The following TAMM41 variants were observed in gnomAD, a reference collection of about 807,000 sequenced individuals.
TAMM41 encodes the protein phosphatidate cytidylyltransferase, mitochondrial.
TAMM41 carries 36 observed loss-of-function variants against 44.1 expected under a neutral mutation model. The ratio of observed to expected loss-of-function variants is 0.82; its 90% CI spans 0.63 to 1.08. The LOEUF (loss-of-function observed/expected upper bound fraction) is 1.08. TAMM41 is among the 50% of genes least tolerant of loss of function. The probability of loss-of-function intolerance (pLI) is 0.00; values close to 1 mark genes in which losing one functional copy is unlikely to be tolerated. For missense variants in TAMM41, 417 were observed against 404.3 expected (o/e 1.03, Z -0.27); for synonymous variants, 164 against 153.1 (o/e 1.07, Z -0.53).
chr3:11,762,598 T>C, the TAMM41 span, among the ~76,000 whole-genome samples: 4,485 of 152,340 alleles, frequency 0.029, 96 homozygotes, highest in Non-Finnish European at 0.043. Context: ...AATTCTCTTG[T>C]CCTTTTATTC....
intron 5 of TAMM41, among the ~76,000 whole-genome samples, chr3:11,814,501 CGAGAGAGA>C (rs143168450): frequency 1.4e-5 from 2 of 145,558 alleles, no homozygotes; most frequent in South Asian, 2.2e-4. Context: ...AACGAAGAGA[CGAGAGAGA>C]GAGAGAGAGA....
chr3:11,798,455 C>T (rs1235579558), intron 7 of TAMM41, among the ~76,000 whole-genome samples: 1 of 152,046 alleles, frequency 6.6e-6, no homozygotes, highest in Admixed American at 6.5e-5. Context: ...GATGAGAACA[C>T]ACAGGACACA....
chr3:11,738,807 C>T, the TAMM41 span, among the ~76,000 whole-genome samples: 1 of 152,170 alleles, frequency 6.6e-6, no homozygotes, highest in Non-Finnish European at 1.5e-5. Flanking sequence ...TCTCAGGCCT[C>T]GTCCCACACA....
At chr3:11,800,899 A>G (rs1000104647) in intron 7 of TAMM41, among the ~76,000 whole-genome samples, 1 of 152,162 alleles carries the variant, frequency 6.6e-6, no homozygotes, top group Non-Finnish European at 1.5e-5. Context: ...CATGGGCTAC[A>G]TAGGGAGACT....
chr3:11,812,943 A>C (rs1287122973), intron 5 of TAMM41, among the ~76,000 whole-genome samples: 1 of 152,136 alleles, frequency 6.6e-6, no homozygotes, highest in African/African-American at 2.4e-5. Context: ...TTGCAGCCTC[A>C]AGGCCAGATA....
intron 7 of TAMM41, among the ~76,000 whole-genome samples, chr3:11,804,996 C>CCTT (rs1559275694): frequency 2.8e-4 from 29 of 103,062 alleles, no homozygotes; most frequent in African/African-American, 1.1e-3. Flanking sequence ...ACGCCCAGCC[C>CCTT]TTTTTTTTTT....
At chr3:11,770,658 T>C in the TAMM41 span, among the ~76,000 whole-genome samples, 9 of 152,098 alleles carry the variant, frequency 5.9e-5, no homozygotes, top group South Asian at 2.1e-4. Flanking sequence ...TCAGGAACGA[T>C]TGGCTGGCAG....
chr3:11,795,907 TAC>T (rs1172170874), intron 7 of TAMM41, among the ~76,000 whole-genome samples: 1 of 152,218 alleles, frequency 6.6e-6, no homozygotes, highest in Admixed American at 6.5e-5. Context: ...AGTCTTTTGG[TAC>T]TCCTAAGCCA....
chr3:11,823,190 G>A (rs545215826), intron 4 of TAMM41, among the ~76,000 whole-genome samples: 1 of 151,712 alleles, frequency 6.6e-6, no homozygotes, highest in Non-Finnish European at 1.5e-5. Flanking sequence ...TGAAGAAATG[G>A]CTATTCAAAT....
downstream of TAMM41, among the ~76,000 whole-genome samples, chr3:11,785,824 G>C (rs1043729893): frequency 2.6e-5 from 4 of 151,426 alleles, no homozygotes; most frequent in African/African-American, 4.9e-5. Context: ...TCACTATGTT[G>C]TCCAGGCGGG....
the TAMM41 span, among the ~76,000 whole-genome samples, chr3:11,749,949 G>C: frequency 2.0e-5 from 3 of 150,086 alleles, no homozygotes; most frequent in South Asian, 4.2e-4. Flanking sequence ...CCAGGCTGGA[G>C]TGCAGTGGCA....
At position 11,807,299 on chromosome 3, in the gene TAMM41, A is replaced by T. The variant is rs1039260554; in HGVS notation, c.937+534T>A. On this transcript the variant is annotated intron_variant, in intron 7 of 7. Coordinates refer to ENST00000455809, the MANE Select transcript of TAMM41 (RefSeq NM_001284401.2). ...TATATTAGGAGGACAGAGGGATGGG[A>T]GGGTGCGTACATTTGATGAGGGTGG... 1.1e-5 allele frequency: 16 copies of T among 1,442,296 alleles called. No homozygotes were observed. In the African/African-American group the frequency reaches 2.3e-4, roughly 21 times the overall value. The allele number at this position is 1,442,296 out of a possible 1,614,324, so 89.3% of individuals were successfully genotyped here.
chr3:11,822,846 G>A (rs73134818), intron 4 of TAMM41, among the ~76,000 whole-genome samples: 19,268 of 152,080 alleles, frequency 0.13, 2,632 homozygotes, highest in East Asian at 0.47. Context: ...ATGCTGCTAC[G>A]TACAAGTTTT....
chr3:11,731,719 A>C, the TAMM41 span, among the ~76,000 whole-genome samples: 1 of 152,134 alleles, frequency 6.6e-6, no homozygotes, highest in East Asian at 1.9e-4. Context: ...GCCCCATGGC[A>C]GTGGATAATG....
intron 3 of TAMM41, among the ~76,000 whole-genome samples, chr3:11,836,141 C>T (rs1199327690): frequency 2.0e-5 from 3 of 151,896 alleles, no homozygotes; most frequent in Non-Finnish European, 4.4e-5. Context: ...CAGGTGCATG[C>T]CGCAACGCCC....
the TAMM41 span, among the ~76,000 whole-genome samples, chr3:11,751,465 C>T: frequency 6.6e-6 from 1 of 152,196 alleles, no homozygotes; most frequent in Non-Finnish European, 1.5e-5. Context: ...ACGAATAGCA[C>T]TGAGCCAAAT....
At chr3:11,817,755 C>T (rs2078341525) in intron 4 of TAMM41, among the ~76,000 whole-genome samples, 1 of 152,104 alleles carries the variant, frequency 6.6e-6, no homozygotes, top group Non-Finnish European at 1.5e-5. Flanking sequence ...TCATCGTTGA[C>T]CTGTCTGTTT....
rs769048276 is a variant in TAMM41, at chr3:11,839,236, G to A, written c.397C>T (p.Arg133Ter). The A allele has an allele frequency of 6.8e-6, 11 of 1,612,432 alleles. No homozygotes were observed. The highest frequency in any genetic ancestry group is 1.7e-5 in the Admixed American group (1 of 59,946). ...AAAACACTCACCGGTTTTTGGAGTC[G>A]TCCAGCAATGTATAAGTTATTCCAG... ...LNWNNLYIAGRLQKPVKIISV... is the reference protein window; with the variant it reads ...LNWNNLYIAG Residue 133 changes from arginine (R) to a stop codon, truncating the protein, a stop_gained, in exon 3 of 8, where the codon CGA becomes TGA. Transcript: ENST00000455809. LOFTEE classifies it high-confidence loss of function.
chr3:11,758,804 A>G, the TAMM41 span, among the ~76,000 whole-genome samples: 1 of 152,038 alleles, frequency 6.6e-6, no homozygotes, highest in Non-Finnish European at 1.5e-5. Flanking sequence ...CTCCTGAGTA[A>G]CTGGGATTAC....
Sources: gnomAD v4.1 joint callset for allele counts (sites outside exome capture counted in the v4.1 genomes callset) on GRCh38, gnomAD v4.1.1 for gene constraint, MANE v1.5 for transcripts, NCBI Gene and HGNC (gene_info 2026-07-23, HGNC 2026-07-21) for gene names.